The following SLC35D1 variants were observed in gnomAD, a reference collection of about 807,000 sequenced individuals.
SLC35D1 encodes nucleotide sugar transporter SLC35D1.
SLC35D1 carries 31 observed loss-of-function variants against 46.7 expected under a neutral mutation model. That is an observed-to-expected ratio of 0.66 (90% CI 0.50 to 0.90). SLC35D1 has a LOEUF of 0.90. Ranked by LOEUF, SLC35D1 falls within the 40% of genes least tolerant of loss-of-function variation. SLC35D1 has a pLI of 0.00. For missense variants in SLC35D1, 397 were observed against 426.2 expected (o/e 0.93, Z 0.60); for synonymous variants, 195 against 164.6 (o/e 1.18, Z -1.41).
chr1:67,036,731 T>A lies in SLC35D1; in HGVS notation c.729+5505A>T, dbSNP rs187794178. On this transcript the variant is annotated intron_variant, in intron 8 of 11. Coordinates refer to ENST00000235345, the MANE Select transcript of SLC35D1 (RefSeq NM_015139.3). ...GGGTCTTTTTTTTTTTTTCTTTTTT[T>A]ATCCATTTAGCTACTGTATGTCTTT... is the stretch of plus-strand genomic sequence containing the variant. Among the ~76,000 whole-genome samples, 7 of 151,988 alleles carry A rather than the reference T, an allele frequency of 4.6e-5. No individual in the cohort carries two copies. The East Asian group carries it at 1.4e-3, about 29-fold the overall frequency.
downstream of SLC35D1, chr1:66,999,291 T>A (rs1570598515): frequency 6.6e-6 from 1 of 152,360 alleles, no homozygotes; most frequent in African/African-American, 2.4e-5. Context: ...CTCAATCACC[T>A]AACAGGATGC....
the SLC35D1 span, among the ~76,000 whole-genome samples, chr1:66,993,334 T>C: frequency 6.6e-6 from 1 of 152,192 alleles, no homozygotes; most frequent in Non-Finnish European, 1.5e-5. Flanking sequence ...ACCATCTGCC[T>C]TCAAAGGACA....
Position 67,053,923 on chromosome 1 carries a change from T to C in SLC35D1, c.91A>G (p.Met31Val). Residue 31 changes from methionine to valine, a missense_variant, in exon 1 of 12, where the codon ATG becomes GTG. Coordinates refer to ENST00000235345, the MANE Select transcript of SLC35D1 (RefSeq NM_015139.3). ...ACGGTCAGCGTTTCGGCCGACGCCA[T>C]CCCCAGCTCCTCCTCATCTCGGAGT... Reference protein sequence around the residue: ...STLRDEEELGMASAETLTVFL... With the variant: ...STLRDEEELGVASAETLTVFL... 6.2e-7 allele frequency: 1 copy of C among 1,613,730 alleles called. No homozygotes were observed. The highest frequency in any genetic ancestry group is 1.1e-5 in the South Asian group (1 of 91,074).
intron 10 of SLC35D1, among the ~76,000 whole-genome samples, chr1:67,015,554 C>T (rs2009311): frequency 0.78 from 117,791 of 151,916 alleles, 45,939 homozygotes; most frequent in South Asian, 0.88. Flanking sequence ...CATGCTCAGC[C>T]AATTTTTGTA....
chr1:67,045,171 CAAG>C (rs1645238970), intron 7 of SLC35D1, among the ~76,000 whole-genome samples: 1 of 152,204 alleles, frequency 6.6e-6, no homozygotes, highest in South Asian at 2.1e-4. Flanking sequence ...TGACAAACAG[CAAG>C]AACTTAAATG....
At chr1:66,973,087 G>C in the SLC35D1 span, 1 of 648,356 alleles carries the variant, frequency 1.5e-6, no homozygotes, top group Non-Finnish European at 2.7e-6. Flanking sequence ...AGTGTTAAAG[G>C]TTTCATAATT....
intron 8 of SLC35D1, among the ~76,000 whole-genome samples, chr1:67,028,691 T>C (rs2815359): frequency 0.79 from 119,941 of 151,938 alleles, 47,768 homozygotes; most frequent in South Asian, 0.88. Flanking sequence ...AAATTTCTAC[T>C]CCCACCCTTC....
In SLC35D1 at chr1:67,001,554, T is replaced by C. The variant is rs1667341204; in HGVS notation, c.*2786A>G. 1 of 152,316 alleles carries C rather than the reference T, an allele frequency of 6.6e-6. No homozygotes were observed. The highest frequency in any genetic ancestry group is 1.5e-5 in the Non-Finnish European group (1 of 68,036). 9.4% of individuals were successfully genotyped at this position (152,316 alleles called of 1,614,324 possible). On this transcript the variant is annotated 3_prime_UTR_variant, in exon 12 of 12. Coordinates refer to ENST00000235345, the MANE Select transcript of SLC35D1 (RefSeq NM_015139.3). ...CTTTTGGAATACCACAGCTCATCTG[T>C]CTCAGTGGGCAAATTAAGGATTTAA...
the SLC35D1 span, among the ~76,000 whole-genome samples, chr1:66,974,183 T>C: frequency 6.6e-6 from 1 of 152,116 alleles, no homozygotes; most frequent in African/African-American, 2.4e-5. Context: ...ATGTTGGCAG[T>C]TTACCGCAGA....
intron 7 of SLC35D1, among the ~76,000 whole-genome samples, chr1:67,043,947 C>T (rs1645222705): frequency 6.6e-6 from 1 of 152,114 alleles, no homozygotes; most frequent in Admixed American, 6.6e-5. Context: ...TTGCCTAACT[C>T]CTGCGATTGA....
intron 8 of SLC35D1, among the ~76,000 whole-genome samples, chr1:67,032,598 T>C (rs1668039541): frequency 2.0e-5 from 3 of 152,072 alleles, no homozygotes; most frequent in South Asian, 4.1e-4. Flanking sequence ...AGAGAATAAC[T>C]TGAACCCAGG....
chr1:67,016,033 AG>A (rs2102264258), intron 10 of SLC35D1, among the ~76,000 whole-genome samples: 1 of 152,230 alleles, frequency 6.6e-6, no homozygotes, highest in Admixed American at 6.5e-5. Context: ...GAAGTCTAAG[AG>A]AAACATATTA....
At chr1:67,027,085 A>G (rs745575590) in intron 8 of SLC35D1, among the ~76,000 whole-genome samples, 1 of 152,232 alleles carries the variant, frequency 6.6e-6, no homozygotes, top group African/African-American at 2.4e-5. Context: ...AGTTATTCAT[A>G]CATTACCTAT....
downstream of SLC35D1, among the ~76,000 whole-genome samples, chr1:66,994,969 C>T (rs1392093122): frequency 6.6e-6 from 1 of 150,398 alleles, no homozygotes; most frequent in Non-Finnish European, 1.5e-5. Context: ...GAGAAACAGT[C>T]TTATCACCTG....
At chr1:67,039,112 T>G (rs1488753118) in intron 8 of SLC35D1, among the ~76,000 whole-genome samples, 1 of 152,162 alleles carries the variant, frequency 6.6e-6, no homozygotes, top group African/African-American at 2.4e-5. Context: ...AAGGGAAGTT[T>G]TCCCTCTTCT....
the SLC35D1 span, among the ~76,000 whole-genome samples, chr1:66,974,274 C>T: frequency 2.0e-5 from 3 of 151,754 alleles, no homozygotes; most frequent in East Asian, 5.8e-4. Context: ...AATGTATACC[C>T]CTAATGTTGT....
chr1:67,013,740 T>TGA (rs983031090), intron 10 of SLC35D1, among the ~76,000 whole-genome samples: 2 of 152,058 alleles, frequency 1.3e-5, no homozygotes, highest in African/African-American at 4.8e-5. Context: ...TGTGTGTGTG[T>TGA]GAGAGATGAG....
chr1:66,994,092 C>CT, the SLC35D1 span, among the ~76,000 whole-genome samples: 7 of 152,152 alleles, frequency 4.6e-5, no homozygotes, highest in Non-Finnish European at 4.4e-5. Flanking sequence ...AGCATGCATG[C>CT]TTAGATGTTC....
intron 8 of SLC35D1, among the ~76,000 whole-genome samples, chr1:67,038,121 C>A (rs1434252331): frequency 6.6e-6 from 1 of 152,080 alleles, no homozygotes; most frequent in Non-Finnish European, 1.5e-5. Flanking sequence ...AATAATTGAT[C>A]CAACCCACCT....
Sources: gnomAD v4.1 joint callset for allele counts (sites outside exome capture counted in the v4.1 genomes callset) on GRCh38, gnomAD v4.1.1 for gene constraint, MANE v1.5 for transcripts, NCBI Gene and HGNC (gene_info 2026-07-23, HGNC 2026-07-21) for gene names.